SVIL: variants seen among roughly 807,000 people sequenced by gnomAD.
SVIL encodes the protein supervillin.
SVIL carries 101 observed loss-of-function variants against 240.4 expected under a neutral mutation model. The observed-to-expected ratio is 0.42, with a 90% confidence interval of 0.36 to 0.50. SVIL has a LOEUF of 0.50. SVIL is among the 20% of genes least tolerant of loss of function. SVIL has a pLI of 0.01. For synonymous variants in SVIL, 999 were observed against 1,100.0 expected, an observed-to-expected ratio of 0.91 and a Z score of 1.82; for missense variants, 2,512 against 2,818.7, an observed-to-expected ratio of 0.89 and a Z score of 2.46.
At position 29,735,353 on chromosome 10, in the gene SVIL, C is replaced by G. The variant is rs916272540; in HGVS notation, c.-400+398G>C. On this transcript the variant is annotated intron_variant, in intron 1 of 35. Coordinates refer to the SVIL transcript ENST00000375400. The surrounding 1 kb of genome is among the most constrained non-coding windows in gnomAD (Gnocchi z 4.1). ...TTCTGATCACTGGCGCGCCACTCCC[C>G]GGGCCACCCGCCTCCCCGCCATGCT... Among the ~76,000 whole-genome samples the G allele has an allele frequency of 9.2e-5, 14 of 152,074 alleles. No homozygotes were observed. The highest frequency in any genetic ancestry group is 3.4e-4 in the African/African-American group (14 of 41,440).
At chr10:29,514,790 T>C (rs1950099084) in intron 16 of SVIL, among the ~76,000 whole-genome samples, 1 of 152,214 alleles carries the variant, frequency 6.6e-6, no homozygotes, top group Non-Finnish European at 1.5e-5. Context: ...GGTCAGATGA[T>C]CTCTAAGGGT....
chr10:29,482,021 C>CTTTTTTTTTTTTT (rs35856299), intron 27 of SVIL, among the ~76,000 whole-genome samples: 4 of 113,452 alleles, frequency 3.5e-5, no homozygotes, highest in African/African-American at 8.9e-5. Context: ...CTTTTCTTTT[C>CTTTTTTTTTTTTT]TTTTTTTTTT....
At position 29,506,816 on chromosome 10, in the gene SVIL, CAGGGAAGGGACAGAGGCCCTAGG is replaced by C. The variant is rs1280023847; in HGVS notation, c.3516+5896_3516+5918del. 1.7e-3 allele frequency among the ~76,000 whole-genome samples: 226 copies of C among 129,502 alleles called. 5 individuals are homozygous for C. The East Asian group carries it at 0.04, about 23-fold the overall frequency. The allele number at this position is 129,502 out of a possible 152,430, so 85.0% of individuals were successfully genotyped here. A position where few individuals can be genotyped will look rare whatever the true frequency, so the allele number is the denominator to read the frequency against. ...TATGAGGGAGGGGACAGAGGGCCTA[CAGGGAAGGGACAGAGGCCCTAGG>C]AGGGAAGGGACAGAGGCCCTAGGAG... On this transcript the variant is annotated intron_variant, in intron 17 of 37. Transcript: ENST00000355867.
intron 1 of SVIL, among the ~76,000 whole-genome samples, chr10:29,691,144 A>G (rs78273523): frequency 0.015 from 2,308 of 152,296 alleles, 41 homozygotes; most frequent in East Asian, 0.095. Context: ...TTACTTTTCA[A>G]TCTGTAACAG....
chr10:29,526,716 G>A (rs1007079988), intron 13 of SVIL, among the ~76,000 whole-genome samples: 33 of 152,308 alleles, frequency 2.2e-4, no homozygotes, highest in African/African-American at 7.0e-4. Flanking sequence ...AACTGGATAC[G>A]TGAGTTAGTG....
At chr10:29,497,840 G>T (rs1948563842) in intron 18 of SVIL, among the ~76,000 whole-genome samples, 1 of 152,086 alleles carries the variant, frequency 6.6e-6, no homozygotes, top group Admixed American at 6.5e-5. Context: ...CCAGCACTTT[G>T]GGAGTCCAAG....
intron 34 of SVIL, 45 bp from the exon 35 acceptor site, chr10:29,463,680 G>A (rs781194703): frequency 7.5e-6 from 12 of 1,601,922 alleles, no homozygotes; most frequent in Admixed American, 1.7e-5. Context: ...GCTCCTTCAC[G>A]GACACTTCTA....
At chr10:29,648,145 A>G (rs1204690479) in intron 3 of SVIL, among the ~76,000 whole-genome samples, 1 of 152,012 alleles carries the variant, frequency 6.6e-6, no homozygotes, top group Admixed American at 6.6e-5. Context: ...CCTTCATGTC[A>G]CCTGGATCCC....
At chr10:29,536,974 G>T (rs7919518) in intron 6 of SVIL, among the ~76,000 whole-genome samples, 2,641 of 150,000 alleles carry the variant, frequency 0.018, 80 homozygotes, top group African/African-American at 0.061. Context: ...CAAATACCAG[G>T]CAATTCTCTT....
chr10:29,607,386 T>A (rs557073287), intron 1 of SVIL, among the ~76,000 whole-genome samples: 1 of 152,220 alleles, frequency 6.6e-6, no homozygotes, highest in African/African-American at 2.4e-5. Context: ...GCCTAGTTTA[T>A]TTTTTTTCTT....
At chr10:29,591,720 T>C (rs1956397709) in intron 1 of SVIL, among the ~76,000 whole-genome samples, 1 of 152,200 alleles carries the variant, frequency 6.6e-6, no homozygotes, top group South Asian at 2.1e-4. Flanking sequence ...TTAGGTGCTA[T>C]AGGATATACC....
At position 29,529,385 on chromosome 10, in the gene SVIL, C is replaced by T. The variant is rs535862436; in HGVS notation, c.2246+320G>A. On this transcript the variant is annotated intron_variant, in intron 12 of 37. Transcript: ENST00000355867. ...GCATCACCGGCCAGGAGCGGGTGAC[C>T]GTGGAAGCTGGGGTTTCATCACAGC... 7.0e-4 allele frequency among the ~76,000 whole-genome samples: 89 copies of T among 127,928 alleles called. No individual in the cohort carries two copies. In the Middle Eastern group the frequency reaches 0.02, roughly 29 times the overall value. 83.9% of individuals were successfully genotyped at this position (127,928 alleles called of 152,430 possible).
chr10:29,566,582 C>T (rs762784767), intron 2 of SVIL, among the ~76,000 whole-genome samples: 81 of 152,276 alleles, frequency 5.3e-4, no homozygotes, highest in Non-Finnish European at 9.1e-4. Context: ...TTTCTCTACC[C>T]GAGGGCACCG....
At chr10:29,617,792 A>G (rs1205492667) in intron 1 of SVIL, among the ~76,000 whole-genome samples, 1 of 152,182 alleles carries the variant, frequency 6.6e-6, no homozygotes, top group Non-Finnish European at 1.5e-5. Context: ...ACTTTTCTCA[A>G]ATTAGTTTCA....
rs771282784 is a variant in SVIL, at chr10:29,522,391, G to T, written c.3389+19C>A. On this transcript the variant is annotated intron_variant, in intron 16 of 37. Coordinates refer to ENST00000355867, the MANE Select transcript of SVIL (RefSeq NM_021738.3). ...CTCCTCCCCGAGAGAATTACTTTTC[G>T]CTCACCGAATCTCATTACCTTTCTT... is the stretch of plus-strand genomic sequence containing the variant. 3.1e-6 allele frequency: 5 copies of T among 1,610,972 alleles called. No homozygotes were observed. Among genetic ancestry groups the T allele is most frequent in the Non-Finnish European group, 8.5e-7 (1 of 1,177,972 alleles).
chr10:29,539,239 A>G (rs1229742794), intron 6 of SVIL, among the ~76,000 whole-genome samples: 1 of 152,234 alleles, frequency 6.6e-6, no homozygotes, highest in East Asian at 1.9e-4. Context: ...AGGACATAAT[A>G]AGCCTTTTAA....
intron 1 of SVIL, among the ~76,000 whole-genome samples, chr10:29,589,241 C>T (rs749980373): frequency 7.2e-5 from 11 of 152,128 alleles, no homozygotes; most frequent in Non-Finnish European, 1.0e-4. Context: ...AACCCCATGC[C>T]GCCCTATCAC....
intron 1 of SVIL, among the ~76,000 whole-genome samples, chr10:29,629,123 A>G (rs1215851546): frequency 6.6e-6 from 1 of 152,072 alleles, no homozygotes; most frequent in Non-Finnish European, 1.5e-5. Context: ...GGTCAAGGGG[A>G]GCTTTATTTA....
chr10:29,542,433 C>T (rs1223821700), intron 6 of SVIL, among the ~76,000 whole-genome samples: 2 of 152,040 alleles, frequency 1.3e-5, no homozygotes, highest in East Asian at 3.9e-4. Flanking sequence ...TTCACAGTGC[C>T]GTGTCTGGAA....
Sources: gnomAD v4.1 joint callset for allele counts (sites outside exome capture counted in the v4.1 genomes callset) on GRCh38, gnomAD v4.1.1 for gene constraint, Gnocchi (gnomAD v3.1) non-coding constraint, MANE v1.5 for transcripts, NCBI Gene and HGNC (gene_info 2026-07-23, HGNC 2026-07-21) for gene names.